Variants in SGO2 observed in about 807,000 individuals in gnomAD.
SGO2 encodes the protein shugoshin-like 2.
SGO2 carries 68 observed loss-of-function variants against 99.5 expected under a neutral mutation model. That is an observed-to-expected ratio of 0.68 (90% CI 0.56 to 0.84). The LOEUF is 0.84. Among genes scored for constraint, SGO2 ranks in the 40% least tolerant of loss-of-function variants. The pLI is 0.00. For synonymous variants in SGO2, 457 were observed against 487.1 expected, an observed-to-expected ratio of 0.94 and a Z score of 0.81; for missense variants, 1,350 against 1,436.7, an observed-to-expected ratio of 0.94 and a Z score of 0.97.
At chr2:200,579,179 A>C (rs138812528) in intron 8 of SGO2, among the ~76,000 whole-genome samples, 2 of 152,268 alleles carry the variant, frequency 1.3e-5, no homozygotes, top group East Asian at 3.9e-4. Flanking sequence ...CTGATGCCCA[A>C]TGTTGTTCGT....
Position 200,572,607 on chromosome 2 carries a change from TC to T in SGO2, c.2264del (p.Pro755LeufsTer4). On this transcript the variant is annotated frameshift_variant, in exon 7 of 9. Coordinates refer to ENST00000357799, the MANE Select transcript of SGO2 (RefSeq NM_152524.6). LOFTEE classifies it high-confidence loss of function. ...LFLTQKDKEI[I>X]PGNLEDPSEF... ...TTAACGCAAAAAGATAAGGAAATCA[TC>T]CCTGGAAACCTAGAAGACCCAAGTG... 1 of 1,613,138 alleles carries T rather than the reference TC, an allele frequency of 6.2e-7. No homozygotes were observed. The highest frequency in any genetic ancestry group is 1.3e-5 in the African/African-American group (1 of 74,972).
Position 200,583,561 on chromosome 2 carries a change from T to G in SGO2, c.*97T>G, listed in dbSNP as rs1024356457. ...GAAGATGAAATGCTTAATGAAAAGG[T>G]TTTTTTTTTGTTTCTTTGGCCTTTC... On this transcript the variant is annotated 3_prime_UTR_variant, in exon 9 of 9. Transcript: ENST00000357799. 3.2e-6 allele frequency: 3 copies of G among 949,874 alleles called. No homozygotes were observed. The highest frequency in any genetic ancestry group is 3.6e-5 in the African/African-American group (2 of 56,304). 58.8% of individuals were successfully genotyped at this position (949,874 alleles called of 1,614,324 possible). A position where few individuals can be genotyped will look rare whatever the true frequency, so the allele number is the denominator to read the frequency against.
intron 5 of SGO2, among the ~76,000 whole-genome samples, chr2:200,545,152 G>A (rs1027974726): frequency 6.6e-6 from 1 of 152,110 alleles, no homozygotes; most frequent in African/African-American, 2.4e-5. Flanking sequence ...GACTACAGGT[G>A]CATGCCATCA....
At position 200,530,175 on chromosome 2, in the gene SGO2, G is replaced by A. The variant is rs150070724; in HGVS notation, c.-2-2799G>A. ...AGATTGTATAGATTAGTTCACTGTA[G>A]GGACAGCAGCAGTGGAAATAGGGAG... On this transcript the variant is annotated intron_variant, in intron 1 of 8. Transcript: ENST00000357799. Among the ~76,000 whole-genome samples the A allele has an allele frequency of 1.1e-3, 171 of 152,250 alleles. 1 individual carries two copies. The highest frequency in any genetic ancestry group is 4.0e-3 in the African/African-American group (165 of 41,554).
chr2:200,552,252 C>T (rs2032522462), intron 5 of SGO2, among the ~76,000 whole-genome samples: 1 of 151,994 alleles, frequency 6.6e-6, no homozygotes, highest in African/African-American at 2.4e-5. Flanking sequence ...TAGGGTCTTG[C>T]TATGTTGTCC....
At chr2:200,527,968 G>A (rs1644688125) in intron 1 of SGO2, among the ~76,000 whole-genome samples, 1 of 152,196 alleles carries the variant, frequency 6.6e-6, no homozygotes, top group African/African-American at 2.4e-5. Context: ...AAGGAAGTGA[G>A]CAAGCCCTGT....
intron 8 of SGO2, among the ~76,000 whole-genome samples, chr2:200,579,552 G>GAGTGTTTTT (rs1370239702): frequency 1.2e-4 from 18 of 152,164 alleles, no homozygotes; most frequent in Admixed American, 1.2e-3. Flanking sequence ...GATGCCTATT[G>GAGTGTTTTT]AGTGTTTTTA....
chr2:200,560,895 T>C (rs73044153), intron 5 of SGO2, among the ~76,000 whole-genome samples: 29,232 of 152,146 alleles, frequency 0.19, 2,926 homozygotes, highest in Non-Finnish European at 0.21. Flanking sequence ...TAATTATGAA[T>C]TTAATTTTTA....
At chr2:200,546,335 C>T (rs1213557130) in intron 5 of SGO2, among the ~76,000 whole-genome samples, 1 of 114,302 alleles carries the variant, frequency 8.7e-6, no homozygotes, top group African/African-American at 3.4e-5. Flanking sequence ...CCTGGGCTAT[C>T]GAGCGAGACT....
chr2:200,554,519 A>G (rs2032622354), intron 5 of SGO2, among the ~76,000 whole-genome samples: 1 of 152,228 alleles, frequency 6.6e-6, no homozygotes, highest in African/African-American at 2.4e-5. Flanking sequence ...AATTGTCTGT[A>G]GGTGACAAAA....
chr2:200,547,939 C>T (rs1364734552), intron 5 of SGO2, among the ~76,000 whole-genome samples: 1 of 151,414 alleles, frequency 6.6e-6, no homozygotes, highest in African/African-American at 2.4e-5. Flanking sequence ...TCAATTCAAC[C>T]AGAGGATATA....
chr2:200,555,041 CA>C (rs1234304722), intron 5 of SGO2, among the ~76,000 whole-genome samples: 1 of 152,110 alleles, frequency 6.6e-6, no homozygotes, highest in Non-Finnish European at 1.5e-5. Flanking sequence ...ATTAATTTTT[CA>C]CAAACCTCCA....
At position 200,533,086 on chromosome 2, in the gene SGO2, A is replaced by C. The variant is rs747482700; in HGVS notation, c.111A>C (p.Ser37=). ...CTAAGTTGAATGTTTCTCTTGCTTC[A>C]AAAATAAAAACAAAAATACTAAGTA... The part of the protein sequence containing the change: ...KTTKLNVSLA[S]KIKTKILNNS... The change falls in exon 2 of 9, where the codon TCA becomes TCC. Residue 37 remains serine, a synonymous_variant. Transcript: ENST00000357799. 6.3e-7 allele frequency: 1 copy of C among 1,582,600 alleles called. No homozygotes were observed.
chr2:200,558,724 GA>G (rs1306956429), intron 5 of SGO2, among the ~76,000 whole-genome samples: 2 of 146,364 alleles, frequency 1.4e-5, no homozygotes, highest in African/African-American at 5.0e-5. Flanking sequence ...ATTTGTGTAG[GA>G]TTTTTTTTTT....
At chr2:200,567,583 G>T (rs2033237991) in intron 5 of SGO2, among the ~76,000 whole-genome samples, 1 of 152,082 alleles carries the variant, frequency 6.6e-6, no homozygotes, top group African/African-American at 2.4e-5. Context: ...ATCTCTAAAA[G>T]GGAATCTCAT....
intron 5 of SGO2, among the ~76,000 whole-genome samples, chr2:200,555,739 C>G (rs2032683406): frequency 6.6e-6 from 1 of 152,094 alleles, no homozygotes. Context: ...TTATTACACC[C>G]CAATGTTCTC....
rs1190126542 is a variant in SGO2 at position 200,570,486 on chromosome 2, G to A, written c.704-564G>A. Among the ~76,000 whole-genome samples the A allele has an allele frequency of 6.7e-6, 1 of 149,894 alleles. No individual in the cohort carries two copies. The highest frequency in any genetic ancestry group is 2.5e-5 in the African/African-American group (1 of 40,788). Reference sequence around the variant, plus strand: ...GTTTTTCCTTTCTGAAAATGTGTGTGTGTGTGTGTGTGTGTGTGTGTGTGG... The same window carrying A: ...GTTTTTCCTTTCTGAAAATGTGTGTATGTGTGTGTGTGTGTGTGTGTGTGG... On this transcript the variant is annotated intron_variant, in intron 6 of 8. Coordinates refer to ENST00000357799, the MANE Select transcript of SGO2 (RefSeq NM_152524.6). This position sits in a 1 kb window ranked among gnomAD's most constrained non-coding sequence, Gnocchi z 4.4.
intron 7 of SGO2, among the ~76,000 whole-genome samples, chr2:200,574,342 GC>G (rs2033574314): frequency 6.6e-6 from 1 of 151,892 alleles, no homozygotes; most frequent in Non-Finnish European, 1.5e-5. Flanking sequence ...GAAGACAGTT[GC>G]ATGTTTCTTG....
rs757256974 is a variant in SGO2 at position 200,571,024 on chromosome 2, G to C, written c.704-26G>C. ...CTTATTTATTTCATTACTTGTTTCT[G>C]AGTTTTGTTTTCCTTTTCTTAATAG... On this transcript the variant is annotated intron_variant, in intron 6 of 8. Coordinates refer to ENST00000357799, the MANE Select transcript of SGO2 (RefSeq NM_152524.6). 113 of 1,523,384 alleles carry C rather than the reference G, an allele frequency of 7.4e-5. No homozygotes were observed. The East Asian group carries it at 2.1e-3, about 29-fold the overall frequency. The allele number at this position is 1,523,384 out of a possible 1,614,324, so 94.4% of individuals were successfully genotyped here.
Sources: allele counts gnomAD v4.1 joint callset (sites outside exome capture counted in the v4.1 genomes callset), GRCh38; gene constraint gnomAD v4.1.1; non-coding constraint Gnocchi (gnomAD v3.1); transcripts MANE v1.5; gene names NCBI Gene and HGNC (gene_info 2026-07-23, HGNC 2026-07-21).